The following AKAP8L variants were observed in gnomAD, a reference collection of about 807,000 sequenced individuals.
The protein encoded by AKAP8L is A-kinase anchoring protein 8 like, also known as A-kinase anchor protein 8-like.
A neutral mutation model predicts 77.5 loss-of-function variants in AKAP8L; 34 were observed. That is an observed-to-expected ratio of 0.44 (90% CI 0.33 to 0.58). AKAP8L has a LOEUF of 0.58. Among genes scored for constraint, AKAP8L ranks in the 20% least tolerant of loss-of-function variants. The pLI is 0.02. For missense variants in AKAP8L, 806 were observed against 887.6 expected, an observed-to-expected ratio of 0.91 and a Z score of 1.17; for synonymous variants, 342 against 340.7, an observed-to-expected ratio of 1.00 and a Z score of -0.04.
At position 15,403,691 on chromosome 19, in the gene AKAP8L, T is replaced by C; in HGVS notation, c.146A>G (p.Tyr49Cys). The change falls in exon 4 of 14, where the codon TAT becomes TGT. Residue 49 changes from tyrosine (Y) to cysteine (C), a missense_variant. Physicochemically the swap from Tyr to Cys is radical, Grantham distance 194. Coordinates refer to ENST00000397410, the MANE Select transcript of AKAP8L (RefSeq NM_014371.4). The surrounding 1 kb of genome is among the most constrained non-coding windows in gnomAD (Gnocchi z 4.3). The stretch of plus-strand genomic sequence containing the variant: ...GGTGGTGTTATCCTGGCCATAGCCA[T>C]AGCCATAGCCATAGCCCTCGTAGCC... ...NRGYEGYGYG[Y>C]GYGQDNTTNY... The C allele has an allele frequency of 1.3e-6, 2 of 1,593,114 alleles. No homozygotes were observed. The highest frequency in any genetic ancestry group is 1.7e-6 in the Non-Finnish European group (2 of 1,169,652).
At chr19:15,390,056 A>AATAT (rs1967628406) in intron 12 of AKAP8L, among the ~76,000 whole-genome samples, 1 of 152,080 alleles carries the variant, frequency 6.6e-6, no homozygotes, top group Non-Finnish European at 1.5e-5. Context: ...CTTAAAAAAA[A>AATAT]ACCCCAGACT....
At chr19:15,389,311 T>C (rs913176622) in intron 12 of AKAP8L, among the ~76,000 whole-genome samples, 2 of 141,818 alleles carry the variant, frequency 1.4e-5, no homozygotes, top group African/African-American at 5.2e-5. Context: ...GGGAAAAAAA[T>C]GAGGTAAAAT....
chr19:15,393,820 T>C (rs1967713667), intron 12 of AKAP8L, among the ~76,000 whole-genome samples: 1 of 151,382 alleles, frequency 6.6e-6, no homozygotes, highest in South Asian at 2.1e-4. Flanking sequence ...GGAGAATTGC[T>C]TGGACCCGGG....
At chr19:15,406,939 T>C (rs1220998698) in intron 2 of AKAP8L, among the ~76,000 whole-genome samples, 2 of 152,242 alleles carry the variant, frequency 1.3e-5, no homozygotes, top group Non-Finnish European at 2.9e-5. Flanking sequence ...ATGCCTTATG[T>C]GGCACAAGGA....
intron 8 of AKAP8L, 95 bp downstream of exon 8, chr19:15,400,200 C>T (rs1203616352): frequency 1.0e-5 from 14 of 1,340,394 alleles, no homozygotes; most frequent in Middle Eastern, 1.9e-4. Context: ...CCCAACTGGC[C>T]GCATGTCTGC....
In AKAP8L at chr19:15,398,942, G is replaced by A; in HGVS notation, c.1157+360C>T. The A allele has an allele frequency of 2.3e-6, 1 of 436,408 alleles. No individual in the cohort carries two copies. The highest frequency in any genetic ancestry group is 3.5e-6 in the Non-Finnish European group (1 of 283,262). 27.0% of individuals were successfully genotyped at this position (436,408 alleles called of 1,614,324 possible). ...TTGGCAGCTAGCTGGGGCGGCACAGGCGCCTTGGACCTTGAGTCTCTGATG... is the reference window on the plus strand; with the variant it reads ...TTGGCAGCTAGCTGGGGCGGCACAGACGCCTTGGACCTTGAGTCTCTGATG... On this transcript the variant is annotated intron_variant, in intron 9 of 13. Transcript: ENST00000397410. The surrounding 1 kb of genome is among the most constrained non-coding windows in gnomAD (Gnocchi z 9.2).
Position 15,380,273 on chromosome 19 carries a change from G to C in AKAP8L, c.1790C>G (p.Pro597Arg), listed in dbSNP as rs1967373470. 1 of 1,516,044 alleles carries C rather than the reference G, an allele frequency of 6.6e-7. No homozygotes were observed. Among genetic ancestry groups the C allele is most frequent in the Middle Eastern group, 2.1e-4 (1 of 4,824 alleles). 93.9% of individuals were successfully genotyped at this position (1,516,044 alleles called of 1,614,324 possible). ...AQPPVPPEPA[P>R]GAVSPPPPPP... is the part of the protein sequence containing the mutation. Reference sequence around the variant, plus strand: ...CGGCGGTGGCGGCGACACGGCCCCGGGGGCTGGCTCTGGGGGCACGGGAGG... The same window carrying C: ...CGGCGGTGGCGGCGACACGGCCCCGCGGGCTGGCTCTGGGGGCACGGGAGG... Residue 597 changes from proline to arginine, a missense_variant, in exon 14 of 14, where the codon CCC becomes CGC. Around this residue, in one of 2 missense-constraint regions of AKAP8L, gnomAD observed 226 missense variants for 193.5 expected, o/e 1.17. Transcript: ENST00000397410.
intron 12 of AKAP8L, among the ~76,000 whole-genome samples, chr19:15,396,590 A>C (rs1349401034): frequency 6.6e-6 from 1 of 151,564 alleles, no homozygotes; most frequent in African/African-American, 2.4e-5. Context: ...GCTTCTGATC[A>C]CTCCCACATG....
Position 15,403,309 on chromosome 19 carries a change from C to T in AKAP8L, c.362+166G>A. 1 of 653,880 alleles carries T rather than the reference C, an allele frequency of 1.5e-6. No homozygotes were observed. The highest frequency in any genetic ancestry group is 2.7e-6 in the Non-Finnish European group (1 of 375,404). The allele number at this position is 653,880 out of a possible 1,614,324, so 40.5% of individuals were successfully genotyped here. On this transcript the variant is annotated intron_variant, in intron 4 of 13. Coordinates refer to ENST00000397410, the MANE Select transcript of AKAP8L (RefSeq NM_014371.4). The surrounding 1 kb of genome is among the most constrained non-coding windows in gnomAD (Gnocchi z 4.3). ...GGGGTTGAGGGTGGGTGAGAGGAGACACAAGTCAGAGACGGGAAGTGCAAC... is the reference window on the plus strand; with the variant it reads ...GGGGTTGAGGGTGGGTGAGAGGAGATACAAGTCAGAGACGGGAAGTGCAAC...
At chr19:15,418,188 C>T (rs1355814610) in intron 1 of AKAP8L, among the ~76,000 whole-genome samples, 3 of 152,248 alleles carry the variant, frequency 2.0e-5, no homozygotes, top group Non-Finnish European at 2.9e-5. Flanking sequence ...TAAAATATAT[C>T]CTACACTCGC....
chr19:15,404,189 G>A (rs1469285671), intron 2 of AKAP8L, 147 bp from the exon 3 acceptor site: 6 of 725,652 alleles, frequency 8.3e-6, no homozygotes, highest in South Asian at 5.6e-5. Context: ...CGAGCACTGC[G>A]CAAATGACCC....
At chr19:15,388,089 G>T (rs753602244) in intron 12 of AKAP8L, among the ~76,000 whole-genome samples, 5 of 152,126 alleles carry the variant, frequency 3.3e-5, no homozygotes, top group Non-Finnish European at 5.9e-5. Flanking sequence ...CCAGCAATTG[G>T]TAGAGTTTAA....
Position 15,380,241 on chromosome 19 carries a change from G to T in AKAP8L, c.1822C>A (p.Pro608Thr). The change falls in exon 14 of 14, where the codon CCA becomes ACA. Residue 608 changes from proline to threonine, a missense_variant. Physicochemically the swap from Pro to Thr is conservative, Grantham distance 38. Transcript: ENST00000397410. ...GAVSPPPPPPPEEEEEGAVPL... is the reference protein window; with the variant it reads ...GAVSPPPPPPTEEEEEGAVPL... ...ACGGCGCCCTCCTCCTCCTCCTCTG[G>T]GGGCGGCGGCGGTGGCGGCGACACG... 1 of 1,501,182 alleles carries T rather than the reference G, an allele frequency of 6.7e-7. No individual in the cohort carries two copies. The highest frequency in any genetic ancestry group is 8.8e-7 in the Non-Finnish European group (1 of 1,135,118). The allele number at this position is 1,501,182 out of a possible 1,614,324, so 93.0% of individuals were successfully genotyped here.
intron 12 of AKAP8L, among the ~76,000 whole-genome samples, chr19:15,381,730 G>C (rs551826256): frequency 6.6e-6 from 1 of 152,046 alleles, no homozygotes; most frequent in South Asian, 2.1e-4. Context: ...ACTATAGACC[G>C]TTCCCCCAGT....
At chr19:15,386,387 A>G (rs1156292916) in intron 12 of AKAP8L, among the ~76,000 whole-genome samples, 3 of 152,184 alleles carry the variant, frequency 2.0e-5, no homozygotes, top group Non-Finnish European at 4.4e-5. Flanking sequence ...AAACTGATGA[A>G]AAGTATTAAA....
chr19:15,418,939 A>G lies in AKAP8L; in HGVS notation c.-16T>C. On this transcript the variant is annotated 5_prime_UTR_variant, in exon 1 of 14. Transcript: ENST00000397410. ...TGTAGCTCATGGTGGCGGGCAACAC[A>G]ACATCCGACGACGCCGGCTTCTGCT... 1 of 1,604,674 alleles carries G rather than the reference A, an allele frequency of 6.2e-7. No individual in the cohort carries two copies. Among genetic ancestry groups the G allele is most frequent in the Non-Finnish European group, 8.5e-7 (1 of 1,179,394 alleles).
chr19:15,410,109 A>AT (rs1272906490), intron 2 of AKAP8L, among the ~76,000 whole-genome samples: 1 of 152,024 alleles, frequency 6.6e-6, no homozygotes, highest in Non-Finnish European at 1.5e-5. Flanking sequence ...TGCCCGGCTA[A>AT]TTTTTTGTAT....
chr19:15,388,052 C>T (rs1967578415), intron 12 of AKAP8L, among the ~76,000 whole-genome samples: 1 of 152,096 alleles, frequency 6.6e-6, no homozygotes, highest in Admixed American at 6.6e-5. Flanking sequence ...TGCCCCAAAA[C>T]ATTGTTGAAA....
At position 15,397,717 on chromosome 19, in the gene AKAP8L, C is replaced by A; in HGVS notation, c.1296G>T (p.Leu432=). 6.2e-7 allele frequency: 1 copy of A among 1,614,034 alleles called. No homozygotes were observed. The highest frequency in any genetic ancestry group is 8.5e-7 in the Non-Finnish European group (1 of 1,179,902). The part of the protein sequence containing the change: ...TKLPKQTADF[L]QEYVTNKTKK... Reference sequence around the variant, plus strand: ...GCTGTGTTACTCCAAGGCTCACCTGCAGAAAGTCAGCCGTCTGCTTAGGGA... The same window carrying A: ...GCTGTGTTACTCCAAGGCTCACCTGAAGAAAGTCAGCCGTCTGCTTAGGGA... Residue 432 remains leucine (L), a synonymous_variant, in exon 10 of 14, where the codon CTG becomes CTT. Coordinates refer to ENST00000397410, the MANE Select transcript of AKAP8L (RefSeq NM_014371.4). The surrounding 1 kb of genome is among the most constrained non-coding windows in gnomAD (Gnocchi z 4.7).
Sources: gnomAD v4.1 joint callset for allele counts (sites outside exome capture counted in the v4.1 genomes callset) on GRCh38, gnomAD v4.1.1 for gene constraint, gnomAD v4.1.1 regional missense constraint, Gnocchi (gnomAD v3.1) non-coding constraint, MANE v1.5 for transcripts, NCBI Gene and HGNC (gene_info 2026-07-23, HGNC 2026-07-21) for gene names.